Variants in CAPRIN2 observed in about 807,000 individuals in gnomAD.
The protein encoded by CAPRIN2 is caprin family member 2.
Under a neutral mutation model 130.4 loss-of-function variants are expected in CAPRIN2, and 66 were observed. The ratio of observed to expected loss-of-function variants is 0.51; its 90% CI spans 0.42 to 0.62. The LOEUF (loss-of-function observed/expected upper bound fraction) is 0.62. Ranked by LOEUF, CAPRIN2 falls within the 20% of genes least tolerant of loss-of-function variation. The pLI is 0.00. For missense variants in CAPRIN2, 1,185 were observed against 1,246.6 expected (o/e 0.95, Z 0.74); for synonymous variants, 471 against 444.1 (o/e 1.06, Z -0.76).
At chr12:30,718,477 T>C (rs1414113768) in intron 12 of CAPRIN2, among the ~76,000 whole-genome samples, 2 of 152,192 alleles carry the variant, frequency 1.3e-5, no homozygotes, top group South Asian at 2.1e-4. Context: ...CTAAGGCTTT[T>C]TTCCCCCACA....
intron 2 of CAPRIN2, among the ~76,000 whole-genome samples, chr12:30,749,860 T>C (rs2072837169): frequency 6.6e-6 from 1 of 152,142 alleles, no homozygotes; most frequent in African/African-American, 2.4e-5. Flanking sequence ...AAGACAGTAA[T>C]GAAATACTGA....
chr12:30,740,335 T>C (rs2066872650), intron 3 of CAPRIN2, among the ~76,000 whole-genome samples: 2 of 152,132 alleles, frequency 1.3e-5, no homozygotes, highest in African/African-American at 4.8e-5. Context: ...GAGATTATCT[T>C]ATGAGGCATG....
At chr12:30,729,022 T>G in exon 8 of CAPRIN2, 1 of 1,614,198 alleles carries the variant, frequency 6.2e-7, no homozygotes, top group South Asian at 1.1e-5. Context: ...TTCCACTGGC[T>G]AGGAGATGGC....
At chr12:30,719,209 C>G (rs2058602438) in intron 12 of CAPRIN2, 1 of 1,613,746 alleles carries the variant, frequency 6.2e-7, no homozygotes, top group Admixed American at 1.7e-5. Flanking sequence ...CGGTTGCTTG[C>G]CTGGGGGAAT....
chr12:30,738,475 A>G (rs1477083911), intron 3 of CAPRIN2, among the ~76,000 whole-genome samples: 2 of 152,254 alleles, frequency 1.3e-5, no homozygotes, highest in African/African-American at 2.4e-5. Flanking sequence ...CCTAGGAAAT[A>G]CCATTCTGAA....
chr12:30,730,095 T>A (rs908087657), intron 7 of CAPRIN2, 144 bp downstream of exon 8: 9 of 631,660 alleles, frequency 1.4e-5, no homozygotes, highest in Non-Finnish European at 2.3e-5. Context: ...GGACCAGATT[T>A]CTTGCCCAAA....
chr12:30,719,067 T>A lies in CAPRIN2; in HGVS notation c.2148+1744A>T. On this transcript the variant is annotated intron_variant, in intron 12 of 16. Transcript: ENST00000298892. ...TAATGAACTGCAATCATCATTCATG[T>A]TTCATACTCACTGTCTGCATGGCTT... 2 of 1,612,054 alleles carry A rather than the reference T, an allele frequency of 1.2e-6. No individual in the cohort carries two copies. Among genetic ancestry groups the A allele is most frequent in the Non-Finnish European group, 1.7e-6 (2 of 1,178,762 alleles).
chr12:30,719,244 G>T lies in CAPRIN2; in HGVS notation c.2148+1567C>A. ...TTGCTGCCTGGGGAGGAGAAATGCA[G>T]CATCAGCCAATCACCTGCCATATAA... is the stretch of plus-strand genomic sequence containing the variant. On this transcript the variant is annotated intron_variant, in intron 12 of 16. Coordinates refer to ENST00000298892, the Ensembl canonical transcript of CAPRIN2. 6.2e-7 allele frequency: 1 copy of T among 1,612,930 alleles called. No homozygotes were observed. Among genetic ancestry groups the T allele is most frequent in the East Asian group, 2.2e-5 (1 of 44,858 alleles).
intron 11 of CAPRIN2, 67 bp from the exon 13 acceptor site, chr12:30,720,982 T>C (rs1344089052): frequency 2.7e-6 from 3 of 1,112,434 alleles, no homozygotes; most frequent in Non-Finnish European, 4.1e-6. Context: ...TCTTGGGCCC[T>C]GGCCTTCCTA....
At chr12:30,718,934 G>C (rs1029887158) in intron 12 of CAPRIN2, 145 bp downstream of exon 14, 2 of 832,590 alleles carry the variant, frequency 2.4e-6, no homozygotes, top group Non-Finnish European at 3.7e-6. Flanking sequence ...AACAAGTACT[G>C]CCATTGGCCA....
At position 30,724,152 on chromosome 12, in the gene CAPRIN2, C is replaced by T. The variant is rs559848210; in HGVS notation, c.1987+218G>A. Among the ~76,000 whole-genome samples the T allele has an allele frequency of 9.2e-5, 14 of 152,296 alleles. No individual in the cohort carries two copies. In the South Asian group the frequency reaches 2.7e-3, roughly 29 times the overall value. On this transcript the variant is annotated intron_variant, in intron 10 of 16. Coordinates refer to ENST00000298892, the Ensembl canonical transcript of CAPRIN2. Reference sequence around the variant, plus strand: ...TATTGAGTATTTCCATTCACCCATCCAGAGCCTTTCTCCAAAAAATGAAAA... The same window carrying T: ...TATTGAGTATTTCCATTCACCCATCTAGAGCCTTTCTCCAAAAAATGAAAA...
chr12:30,733,867 A>G (rs2063556771), intron 4 of CAPRIN2, among the ~76,000 whole-genome samples, 156 bp from the exon 6 acceptor site: 1 of 152,236 alleles, frequency 6.6e-6, no homozygotes, highest in African/African-American at 2.4e-5. Context: ...AAATGTATAC[A>G]AGATGACTAA....
chr12:30,724,496 A>G (rs1225004940), intron 9 of CAPRIN2, 45 bp from the exon 11 acceptor site: 2 of 1,268,212 alleles, frequency 1.6e-6, no homozygotes, highest in Non-Finnish European at 2.3e-6. Flanking sequence ...GAGATTACTC[A>G]TTTAAAAGCT....
rs117586098 is a variant in CAPRIN2, at chr12:30,738,706, T to C, written c.570+2314A>G. Among the ~76,000 whole-genome samples, 1,116 of 152,098 alleles carry C rather than the reference T, an allele frequency of 7.3e-3. 1 individual carries two copies. The highest frequency in any genetic ancestry group is 0.012 in the Non-Finnish European group (782 of 67,966). ...TATCTATAAGGAAGTTAAATAAATT[T>C]ACAAGAAAAATAAACATTAAAAAAT... On this transcript the variant is annotated intron_variant, in intron 3 of 16. Coordinates refer to ENST00000298892, the Ensembl canonical transcript of CAPRIN2.
At chr12:30,733,074 G>A (rs1169706211) in intron 5 of CAPRIN2, among the ~76,000 whole-genome samples, 3 of 151,882 alleles carry the variant, frequency 2.0e-5, no homozygotes, top group Non-Finnish European at 4.4e-5. Context: ...CTACCTTCTA[G>A]TGAGTTTTCA....
chr12:30,748,782 T>C (rs2072061854), intron 2 of CAPRIN2, among the ~76,000 whole-genome samples: 1 of 152,186 alleles, frequency 6.6e-6, no homozygotes, highest in African/African-American at 2.4e-5. Flanking sequence ...TCTAAAGACC[T>C]AACATTCATT....
chr12:30,727,862 T>C (rs1474088404), intron 8 of CAPRIN2, among the ~76,000 whole-genome samples: 2 of 152,266 alleles, frequency 1.3e-5, no homozygotes, highest in Non-Finnish European at 2.9e-5. Flanking sequence ...GCAACCACCA[T>C]AAACCTTCTT....
At chr12:30,750,762 T>C (rs1217768531) in intron 2 of CAPRIN2, among the ~76,000 whole-genome samples, 1 of 152,184 alleles carries the variant, frequency 6.6e-6, no homozygotes, top group African/African-American at 2.4e-5. Flanking sequence ...ATGCCTTCTC[T>C]TCTCCTTCAG....
Position 30,735,337 on chromosome 12 carries a change from T to C in CAPRIN2, c.571-131A>G, listed in dbSNP as rs951398507. The C allele has an allele frequency of 2.9e-5, 22 of 750,778 alleles. No homozygotes were observed. In the South Asian group the frequency reaches 3.6e-4, roughly 12 times the overall value. The allele number at this position is 750,778 out of a possible 1,614,324, so 46.5% of individuals were successfully genotyped here. A position where few individuals can be genotyped will look rare whatever the true frequency, so the allele number is the denominator to read the frequency against. On this transcript the variant is annotated intron_variant, in intron 3 of 16. Transcript: ENST00000298892. ...TCTCATGACTGTCAAACTACCAGTT[T>C]AGTCTGTCTCCTTTTTGAGCTAAAG... is the stretch of plus-strand genomic sequence containing the variant.
Sources: gnomAD v4.1 joint callset for allele counts (sites outside exome capture counted in the v4.1 genomes callset) on GRCh38, gnomAD v4.1.1 for gene constraint, MANE v1.5 for transcripts, NCBI Gene and HGNC (gene_info 2026-07-23, HGNC 2026-07-21) for gene names.